Variants in LRP6 observed in about 807,000 individuals in gnomAD.
LRP6 encodes the protein low-density lipoprotein receptor-related protein 6.
In LRP6, 43 loss-of-function variants were observed where a neutral mutation model predicts 184.1. That is an observed-to-expected ratio of 0.23 (90% CI 0.18 to 0.30). The LOEUF is 0.30. LRP6 is among the 10% of genes least tolerant of loss of function. The pLI, the probability that LRP6 is intolerant of heterozygous loss-of-function variation, is 1.00. For missense variants in LRP6, 1,571 were observed against 2,005.3 expected (o/e 0.78, Z 4.14); for synonymous variants, 719 against 684.9 (o/e 1.05, Z -0.78).
At chr12:12,123,994 G>C (rs1483531069) in intron 22 of LRP6, among the ~76,000 whole-genome samples, 1 of 151,970 alleles carries the variant, frequency 6.6e-6, no homozygotes, top group African/African-American at 2.4e-5. Context: ...TCACTTTGGT[G>C]GGTAATTCCT....
At chr12:12,121,728 T>C (rs1023319852) in intron 22 of LRP6, among the ~76,000 whole-genome samples, 5 of 152,182 alleles carry the variant, frequency 3.3e-5, no homozygotes, top group African/African-American at 2.4e-5. Context: ...GAATAAAAAA[T>C]GACTATTCAA....
chr12:12,227,226 A>G (rs1453989537), intron 2 of LRP6, among the ~76,000 whole-genome samples: 2 of 152,200 alleles, frequency 1.3e-5, no homozygotes, highest in Non-Finnish European at 2.9e-5. Context: ...AAGGAGAACT[A>G]AAGACTTTCT....
At chr12:12,234,726 G>A (rs1408450942) in intron 2 of LRP6, among the ~76,000 whole-genome samples, 1 of 151,904 alleles carries the variant, frequency 6.6e-6, no homozygotes, top group Non-Finnish European at 1.5e-5. Flanking sequence ...AGCTACTCAG[G>A]AGGCTGAGGC....
At chr12:12,189,950 T>C (rs181516649) in intron 3 of LRP6, among the ~76,000 whole-genome samples, 50 of 152,348 alleles carry the variant, frequency 3.3e-4, no homozygotes, top group Admixed American at 1.1e-3. Context: ...CTATAACAGA[T>C]GACCTTTTTG....
chr12:12,234,657 C>A (rs574126494), intron 2 of LRP6, among the ~76,000 whole-genome samples: 2 of 151,796 alleles, frequency 1.3e-5, no homozygotes, highest in South Asian at 2.1e-4. Flanking sequence ...ATGGTGAAAC[C>A]CCGCCTCTAC....
chr12:12,137,201 T>G (rs1949853710), intron 16 of LRP6, among the ~76,000 whole-genome samples: 1 of 152,186 alleles, frequency 6.6e-6, no homozygotes, highest in Non-Finnish European at 1.5e-5. Flanking sequence ...GTTACAGAAT[T>G]TCAATAATTG....
chr12:12,133,661 C>T (rs1434659501), intron 17 of LRP6, among the ~76,000 whole-genome samples: 2 of 152,016 alleles, frequency 1.3e-5, no homozygotes, highest in African/African-American at 4.8e-5. Flanking sequence ...TTAATACATA[C>T]ATTAAAAATA....
chr12:12,133,102 T>C (rs1030910461), intron 17 of LRP6, among the ~76,000 whole-genome samples: 2 of 152,212 alleles, frequency 1.3e-5, no homozygotes, highest in African/African-American at 4.8e-5. Flanking sequence ...ATACTATCTA[T>C]ATTGTATGGA....
rs140238250 is a variant in LRP6 at position 12,252,693 on chromosome 12, T to C, written c.56-8038A>G. The stretch of plus-strand genomic sequence containing the variant: ...GGTCATAATTTGGCTTCTTTAATCT[T>C]CTAGGTTGGCTAATGGTTCTCAGTT... On this transcript the variant is annotated intron_variant, in intron 1 of 22. Transcript: ENST00000261349. 1.5e-3 allele frequency among the ~76,000 whole-genome samples: 224 copies of C among 152,312 alleles called. 1 individual carries two copies. The highest frequency in any genetic ancestry group is 5.1e-3 in the African/African-American group (213 of 41,576).
intron 2 of LRP6, among the ~76,000 whole-genome samples, chr12:12,205,101 G>C (rs932875945): frequency 1.2e-4 from 18 of 151,772 alleles, no homozygotes; most frequent in African/African-American, 4.3e-4. Flanking sequence ...GGCCGAGGTG[G>C]GTGGATCACT....
At position 12,170,740 on chromosome 12, in the gene LRP6, C is replaced by T. The variant is rs192474567; in HGVS notation, c.1546-5445G>A. 2.2e-4 allele frequency among the ~76,000 whole-genome samples: 33 copies of T among 151,448 alleles called. No homozygotes were observed. The East Asian group carries it at 6.0e-3, about 28-fold the overall frequency. On this transcript the variant is annotated intron_variant, in intron 7 of 22. Transcript: ENST00000261349. Reference sequence around the variant, plus strand: ...AACAAATGTCTTTTATTTGGTCTTTCTTTCTTCCAAGCTATATACTATTTA... The same window carrying T: ...AACAAATGTCTTTTATTTGGTCTTTTTTTCTTCCAAGCTATATACTATTTA...
At chr12:12,210,797 T>C (rs1864188116) in intron 2 of LRP6, 1 of 152,176 alleles carries the variant, frequency 6.6e-6, no homozygotes, top group Non-Finnish European at 1.5e-5. Context: ...TAGTTCTGAT[T>C]TTAATGTGAA....
At chr12:12,259,549 A>G (rs1865560169) in intron 1 of LRP6, among the ~76,000 whole-genome samples, 1 of 152,174 alleles carries the variant, frequency 6.6e-6, no homozygotes, top group East Asian at 1.9e-4. Context: ...GAGTCCAAGC[A>G]CATTTTAAAA....
chr12:12,118,071 TATTAAA>T lies in LRP6; in HGVS notation c.*3049_*3054del, dbSNP rs1156954643. 2 of 152,212 alleles carry T rather than the reference TATTAAA, an allele frequency of 1.3e-5. No individual in the cohort carries two copies. Among genetic ancestry groups the T allele is most frequent in the African/African-American group, 4.8e-5 (2 of 41,464 alleles). The allele number at this position is 152,212 out of a possible 1,614,324, so 9.4% of individuals were successfully genotyped here. ...GGTAATGTATCACAAGCTACTTTTA[TATTAAA>T]ATTAAAGTAACTACATAATCTTCTG... On this transcript the variant is annotated 3_prime_UTR_variant, in exon 23 of 23. Coordinates refer to ENST00000261349, the MANE Select transcript of LRP6 (RefSeq NM_002336.3).
chr12:12,243,652 C>G (rs1294533799), intron 2 of LRP6, among the ~76,000 whole-genome samples: 1 of 152,176 alleles, frequency 6.6e-6, no homozygotes, highest in African/African-American at 2.4e-5. Flanking sequence ...TGGCTCACAC[C>G]TGTAATCCCA....
At position 12,187,133 on chromosome 12, in the gene LRP6, G is replaced by A. The variant is rs1007620956; in HGVS notation, c.648-14C>T. On this transcript the variant is annotated splice_polypyrimidine_tract_variant and intron_variant, in intron 3 of 22. Coordinates refer to ENST00000261349, the MANE Select transcript of LRP6 (RefSeq NM_002336.3). The stretch of plus-strand genomic sequence containing the variant: ...ACCACTGCCTGCCTATTAACATAAA[G>A]AGAAAAATTTAAACTTATTTCTAAA... 6.2e-7 allele frequency: 1 copy of A among 1,611,344 alleles called. No individual in the cohort carries two copies. Among genetic ancestry groups the A allele is most frequent in the Non-Finnish European group, 8.5e-7 (1 of 1,178,200 alleles).
chr12:12,209,956 G>C (rs1028266493), intron 2 of LRP6, among the ~76,000 whole-genome samples: 7 of 152,170 alleles, frequency 4.6e-5, no homozygotes, highest in Admixed American at 3.3e-4. Context: ...ACCAGAGAAA[G>C]TATGTATTTT....
intron 2 of LRP6, among the ~76,000 whole-genome samples, chr12:12,232,005 AAAAAC>A (rs979926222): frequency 1.7e-5 from 2 of 116,584 alleles, no homozygotes; most frequent in South Asian, 5.0e-4. Flanking sequence ...CCTCAAAAAA[AAAAAC>A]AAAAACAAAA....
In LRP6 at chr12:12,119,365, A is replaced by T. The variant is rs1415844263; in HGVS notation, c.*1761T>A. On this transcript the variant is annotated 3_prime_UTR_variant, in exon 23 of 23. Transcript: ENST00000261349. ...ACAGAATTAAAAAAGAAAAAAAAAA[A>T]ATTCAATAATTAACTGACCAACACC... 1.3e-5 allele frequency: 2 copies of T among 152,186 alleles called. No homozygotes were observed. The highest frequency in any genetic ancestry group is 2.9e-5 in the Non-Finnish European group (2 of 68,034). 9.4% of individuals were successfully genotyped at this position (152,186 alleles called of 1,614,324 possible). A position where few individuals can be genotyped will look rare whatever the true frequency, so the allele number is the denominator to read the frequency against.
Sources: gnomAD v4.1 joint callset for allele counts (sites outside exome capture counted in the v4.1 genomes callset) on GRCh38, gnomAD v4.1.1 for gene constraint, MANE v1.5 for transcripts, NCBI Gene and HGNC (gene_info 2026-07-23, HGNC 2026-07-21) for gene names.